Variants in RBMS3 observed in about 807,000 individuals in gnomAD.
The protein encoded by RBMS3 is RNA binding motif single stranded interacting protein 3.
Under a neutral mutation model 66.8 loss-of-function variants are expected in RBMS3, and 27 were observed. The observed-to-expected ratio is 0.40, with a 90% CI of 0.30 to 0.56. The LOEUF (loss-of-function observed/expected upper bound fraction) is 0.56, where lower values mean the gene tolerates loss of function less well. Among genes scored for constraint, RBMS3 ranks in the 20% least tolerant of loss-of-function variants. The probability of loss-of-function intolerance (pLI) is 0.40; values close to 1 mark genes in which losing one functional copy is unlikely to be tolerated. For missense variants in RBMS3, 513 were observed against 549.5 expected, an observed-to-expected ratio of 0.93 and a Z score of 0.66; for synonymous variants, 188 against 183.0, an observed-to-expected ratio of 1.03 and a Z score of -0.22.
intron 1 of RBMS3, among the ~76,000 whole-genome samples, chr3:29,365,195 T>C (rs1351827557): frequency 1.3e-5 from 2 of 152,144 alleles, no homozygotes; most frequent in Non-Finnish European, 2.9e-5. Flanking sequence ...GAAGAGGCCT[T>C]GGCTGCACCA....
intron 1 of RBMS3, among the ~76,000 whole-genome samples, chr3:29,324,976 A>C (rs1356339369): frequency 6.6e-6 from 1 of 152,080 alleles, no homozygotes; most frequent in African/African-American, 2.4e-5. Flanking sequence ...ATTTGCACAC[A>C]GATGAAAGAA....
intron 3 of RBMS3, among the ~76,000 whole-genome samples, chr3:29,546,395 C>A (rs1298328403): frequency 1.3e-5 from 2 of 152,060 alleles, no homozygotes; most frequent in Non-Finnish European, 2.9e-5. Context: ...AACTGCCTCA[C>A]AACACTTGCT....
At chr3:29,805,985 G>A (rs1576859706) in intron 6 of RBMS3, among the ~76,000 whole-genome samples, 1 of 151,848 alleles carries the variant, frequency 6.6e-6, no homozygotes, top group African/African-American at 2.4e-5. Flanking sequence ...ATACAGGGGT[G>A]CCATTTTTAA....
intron 4 of RBMS3, among the ~76,000 whole-genome samples, chr3:29,665,337 T>A (rs2050709553): frequency 6.6e-6 from 1 of 152,192 alleles, no homozygotes. Context: ...AATTTTGTCA[T>A]TTTTTTCTTC....
intron 4 of RBMS3, among the ~76,000 whole-genome samples, chr3:29,654,763 CG>C (rs1291709684): frequency 1.6e-3 from 228 of 147,086 alleles, no homozygotes; most frequent in African/African-American, 5.7e-3. Context: ...TTAATTTTTG[CG>C]TTTTTTTTTT....
chr3:29,579,443 T>C (rs986802040), intron 3 of RBMS3, among the ~76,000 whole-genome samples: 2 of 152,170 alleles, frequency 1.3e-5, no homozygotes, highest in African/African-American at 4.8e-5. Flanking sequence ...TACCCATCTG[T>C]AAGTCTAGAG....
rs141438412 is a variant in RBMS3 at position 29,950,258 on chromosome 3, A to C, written c.1098+6004A>C. Among the ~76,000 whole-genome samples, 145 of 151,992 alleles carry C rather than the reference A, an allele frequency of 9.5e-4. 1 individual carries two copies. Among genetic ancestry groups the C allele is most frequent in the Middle Eastern group, 6.8e-3 (2 of 294 alleles). On this transcript the variant is annotated intron_variant, in intron 12 of 14. Coordinates refer to ENST00000383767, the MANE Select transcript of RBMS3 (RefSeq NM_001003793.3). ...ACATCAAATCAAAAGGCAGCCTCTC[A>C]AAATGCTTTCTGCAGTAGAATTTTT... is the stretch of plus-strand genomic sequence containing the variant.
intron 12 of RBMS3, among the ~76,000 whole-genome samples, chr3:29,964,484 T>C (rs889478713): frequency 6.6e-6 from 1 of 152,162 alleles, no homozygotes; most frequent in African/African-American, 2.4e-5. Flanking sequence ...CCATTTCTAT[T>C]ATACTCATTC....
At chr3:29,572,451 A>G (rs765645739) in intron 3 of RBMS3, among the ~76,000 whole-genome samples, 3 of 152,102 alleles carry the variant, frequency 2.0e-5, no homozygotes, top group Non-Finnish European at 4.4e-5. Context: ...GTCTATACCT[A>G]GTTTTTTGAG....
intron 14 of RBMS3, among the ~76,000 whole-genome samples, chr3:29,994,886 G>T (rs1458673634): frequency 6.6e-6 from 1 of 152,212 alleles, no homozygotes; most frequent in Non-Finnish European, 1.5e-5. Context: ...CCAAAGGAAC[G>T]CAGTTCCTCA....
chr3:29,302,287 C>G (rs575093911), intron 1 of RBMS3, among the ~76,000 whole-genome samples: 1 of 152,164 alleles, frequency 6.6e-6, no homozygotes, highest in Non-Finnish European at 1.5e-5. Context: ...GCTGGGATTA[C>G]AGGCGTGAGC....
At chr3:29,653,648 A>C (rs1277755685) in intron 4 of RBMS3, among the ~76,000 whole-genome samples, 8 of 151,864 alleles carry the variant, frequency 5.3e-5, no homozygotes, top group Non-Finnish European at 1.2e-4. Flanking sequence ...CACGAATAAA[A>C]CTTTCATTCA....
chr3:29,460,954 C>A (rs1241347400), intron 2 of RBMS3, among the ~76,000 whole-genome samples: 2 of 152,144 alleles, frequency 1.3e-5, no homozygotes, highest in East Asian at 3.9e-4. Context: ...ATCTGGCGGA[C>A]AATGTATACT....
chr3:29,636,932 G>A (rs773600394), intron 4 of RBMS3, among the ~76,000 whole-genome samples: 21 of 151,852 alleles, frequency 1.4e-4, no homozygotes, highest in Non-Finnish European at 2.9e-4. Context: ...AGTAGCAAAT[G>A]GGTCATCTCA....
At chr3:29,857,056 T>G (rs1246837095) in intron 6 of RBMS3, among the ~76,000 whole-genome samples, 1 of 152,202 alleles carries the variant, frequency 6.6e-6, no homozygotes, top group Non-Finnish European at 1.5e-5. Flanking sequence ...AAAGCAAGGT[T>G]TTCATTCTAG....
At chr3:29,863,404 T>C (rs1036264278) in intron 6 of RBMS3, among the ~76,000 whole-genome samples, 2 of 152,086 alleles carry the variant, frequency 1.3e-5, no homozygotes, top group Non-Finnish European at 2.9e-5. Context: ...ATTTCTGGAA[T>C]TTTTTTAAAT....
At chr3:29,621,684 T>C (rs759537077) in intron 4 of RBMS3, among the ~76,000 whole-genome samples, 1 of 152,098 alleles carries the variant, frequency 6.6e-6, no homozygotes, top group Non-Finnish European at 1.5e-5. Context: ...AAATATTTGG[T>C]TTGGTTAAGA....
At chr3:29,646,558 CTT>C (rs909533642) in intron 4 of RBMS3, among the ~76,000 whole-genome samples, 58 of 152,076 alleles carry the variant, frequency 3.8e-4, no homozygotes, top group African/African-American at 1.3e-3. Flanking sequence ...CCTAATGTCT[CTT>C]ATAAGTATGT....
intron 3 of RBMS3, among the ~76,000 whole-genome samples, chr3:29,557,100 A>G (rs578239525): frequency 6.6e-6 from 1 of 152,348 alleles, no homozygotes; most frequent in South Asian, 2.1e-4. Flanking sequence ...TAGCTTTAAT[A>G]TAAATAATTT....
Sources: gnomAD v4.1 joint callset for allele counts (sites outside exome capture counted in the v4.1 genomes callset) on GRCh38, gnomAD v4.1.1 for gene constraint, MANE v1.5 for transcripts, NCBI Gene and HGNC (gene_info 2026-07-23, HGNC 2026-07-21) for gene names.